NEBL: variants seen among roughly 807,000 people sequenced by gnomAD.
NEBL encodes LIM and SH3 protein 2.
Under a neutral mutation model 140.2 loss-of-function variants are expected in NEBL, and 122 were observed. The observed-to-expected ratio is 0.87, with a 90% confidence interval of 0.75 to 1.01. The LOEUF is 1.01. NEBL is among the 50% of genes least tolerant of loss of function. NEBL has a pLI of 0.00. For missense variants in NEBL, 1,365 were observed against 1,231.3 expected, an observed-to-expected ratio of 1.11 and a Z score of -1.62; for synonymous variants, 436 against 398.9, an observed-to-expected ratio of 1.09 and a Z score of -1.11.
chr10:21,137,855 A>G (rs1451296778), intron 2 of NEBL, among the ~76,000 whole-genome samples: 2 of 151,646 alleles, frequency 1.3e-5, no homozygotes, highest in Non-Finnish European at 2.9e-5. Flanking sequence ...AGGTAGAAGT[A>G]TCACTTAAGC....
intron 4 of NEBL, among the ~76,000 whole-genome samples, chr10:20,943,519 A>C (rs529785421): frequency 6.6e-6 from 1 of 152,192 alleles, no homozygotes; most frequent in Admixed American, 6.5e-5. Context: ...CAGCACACCA[A>C]CATGGCACAT....
intron 10 of NEBL, among the ~76,000 whole-genome samples, chr10:20,851,796 T>C (rs1842563756): frequency 6.6e-6 from 1 of 151,868 alleles, no homozygotes; most frequent in Non-Finnish European, 1.5e-5. Flanking sequence ...AACAAAAATT[T>C]TGTGAAATAA....
chr10:21,213,823 A>G (rs771337927), intron 3 of NEBL, among the ~76,000 whole-genome samples: 1 of 152,236 alleles, frequency 6.6e-6, no homozygotes, highest in Non-Finnish European at 1.5e-5. Flanking sequence ...ATATCTACAC[A>G]TTATATACCT....
At chr10:21,174,047 C>T (rs1348180867) in exon 1 of NEBL, 1 of 1,123,786 alleles carries the variant, frequency 8.9e-7, no homozygotes, top group African/African-American at 1.6e-5. Context: ...GGCTCGCAGG[C>T]GCTGGGTCTC....
chr10:21,076,994 G>A (rs531108765), intron 2 of NEBL, among the ~76,000 whole-genome samples: 1 of 152,298 alleles, frequency 6.6e-6, no homozygotes, highest in African/African-American at 2.4e-5. Flanking sequence ...GCACAAAAAT[G>A]TGAATATACA....
chr10:20,903,762 G>A (rs7068608), intron 4 of NEBL, among the ~76,000 whole-genome samples: 3,693 of 151,872 alleles, frequency 0.024, 62 homozygotes, highest in Non-Finnish European at 0.037. Context: ...AAGTAACTCA[G>A]GAATGAAAAA....
At chr10:21,270,368 ATTTT>A (rs59338756) in intron 1 of NEBL, among the ~76,000 whole-genome samples, 26,039 of 144,248 alleles carry the variant, frequency 0.18, 3,584 homozygotes, top group African/African-American at 0.4. Flanking sequence ...TATTTTCCAT[ATTTT>A]TTTTTTTTTT....
intron 3 of NEBL, among the ~76,000 whole-genome samples, chr10:20,979,643 T>C (rs561813232): frequency 1.3e-5 from 2 of 152,202 alleles, no homozygotes; most frequent in South Asian, 4.1e-4. Context: ...TAAAGGTAAA[T>C]AGTGATGTAG....
intron 2 of NEBL, among the ~76,000 whole-genome samples, chr10:21,168,786 T>G (rs1034345988): frequency 6.6e-6 from 1 of 151,686 alleles, no homozygotes; most frequent in Non-Finnish European, 1.5e-5. Context: ...CGGTGGCTCA[T>G]GCCTGTAATC....
intron 4 of NEBL, among the ~76,000 whole-genome samples, chr10:20,935,850 T>G (rs1834454963): frequency 6.6e-6 from 1 of 152,184 alleles, no homozygotes; most frequent in African/African-American, 2.4e-5. Context: ...AGAATCATTA[T>G]AGGCCCAACT....
At chr10:20,952,441 A>G (rs79872330) in intron 4 of NEBL, among the ~76,000 whole-genome samples, 2 of 44,016 alleles carry the variant, frequency 4.5e-5, no homozygotes, top group African/African-American at 1.1e-4. Flanking sequence ...TGTCTGAAGG[A>G]AAAAAAAAAA....
At chr10:20,947,721 T>A (rs569037830) in intron 4 of NEBL, among the ~76,000 whole-genome samples, 3 of 144,988 alleles carry the variant, frequency 2.1e-5, no homozygotes, top group Admixed American at 6.8e-5. Flanking sequence ...ACACACAGTG[T>A]CAGGAGACAA....
At chr10:20,991,292 C>CA (rs1267666275) in intron 3 of NEBL, among the ~76,000 whole-genome samples, 6 of 151,608 alleles carry the variant, frequency 4.0e-5, no homozygotes, top group African/African-American at 1.2e-4. Flanking sequence ...AGCTTGATGA[C>CA]AAAAAATGTT....
At chr10:20,982,082 A>G (rs1314447366) in intron 3 of NEBL, among the ~76,000 whole-genome samples, 1 of 152,202 alleles carries the variant, frequency 6.6e-6, no homozygotes, top group Non-Finnish European at 1.5e-5. Flanking sequence ...CCAGGCTAAG[A>G]CTTAACACAG....
At chr10:20,975,470 G>A (rs769371682) in intron 3 of NEBL, among the ~76,000 whole-genome samples, 2 of 152,110 alleles carry the variant, frequency 1.3e-5, no homozygotes, top group East Asian at 1.9e-4. Flanking sequence ...CATCTGGTCC[G>A]AGTTTTCTCT....
chr10:21,000,196 AATAGAGGGGGT>A (rs1288906331), intron 3 of NEBL, among the ~76,000 whole-genome samples: 1 of 87,860 alleles, frequency 1.1e-5, no homozygotes, highest in Non-Finnish European at 2.1e-5. Flanking sequence ...ATAGAGGGGG[AATAGAGGGGGT>A]ATAGAGGGGG....
chr10:20,899,088 A>G (rs574143906), upstream of NEBL, among the ~76,000 whole-genome samples: 30 of 152,318 alleles, frequency 2.0e-4, no homozygotes, highest in African/African-American at 5.8e-4. Context: ...TTCCACAAGG[A>G]CATTCCTTGT....
At chr10:21,214,548 C>T (rs1841963815) in intron 3 of NEBL, among the ~76,000 whole-genome samples, 1 of 151,002 alleles carries the variant, frequency 6.6e-6, no homozygotes, top group South Asian at 2.1e-4. Context: ...CACACATGCA[C>T]ACACATGTGC....
chr10:21,165,774 C>T (rs753103970), intron 2 of NEBL, among the ~76,000 whole-genome samples: 3 of 152,210 alleles, frequency 2.0e-5, no homozygotes, highest in East Asian at 1.9e-4. Flanking sequence ...CTGTGTTGGA[C>T]TGAACCCCAG....
Sources: gnomAD v4.1 joint callset for allele counts (sites outside exome capture counted in the v4.1 genomes callset) on GRCh38, gnomAD v4.1.1 for gene constraint, MANE v1.5 for transcripts, NCBI Gene and HGNC (gene_info 2026-07-23, HGNC 2026-07-21) for gene names.